The following ARHGAP20 variants were observed in gnomAD, a reference collection of about 807,000 sequenced individuals.
ARHGAP20 encodes rho GTPase-activating protein 20.
ARHGAP20 carries 34 observed loss-of-function variants against 73.7 expected under a neutral mutation model. The ratio of observed to expected loss-of-function variants is 0.46; its 90% CI spans 0.35 to 0.61. The LOEUF is 0.61. Ranked by LOEUF, ARHGAP20 falls within the 20% of genes least tolerant of loss-of-function variation. The pLI, the probability that ARHGAP20 is intolerant of heterozygous loss-of-function variation, is 0.00. For missense variants in ARHGAP20, 1,314 were observed against 1,420.9 expected (o/e 0.92, Z 1.21); for synonymous variants, 523 against 518.2 (o/e 1.01, Z -0.13).
intron 1 of ARHGAP20, among the ~76,000 whole-genome samples, chr11:110,692,090 T>G (rs1296962230): frequency 6.6e-6 from 1 of 152,094 alleles, no homozygotes; most frequent in Non-Finnish European, 1.5e-5. Context: ...ATAACCTAGT[T>G]TATATATTAT....
At position 110,630,697 on chromosome 11, in the gene ARHGAP20, T is replaced by A. The variant is rs779625137; in HGVS notation, c.284A>T (p.Lys95Ile). The A allele has an allele frequency of 1.9e-6, 3 of 1,614,126 alleles. No individual in the cohort carries two copies. Among genetic ancestry groups the A allele is most frequent in the South Asian group, 2.2e-5 (2 of 91,078 alleles). The change falls in exon 3 of 15, where the codon AAA becomes ATA. Residue 95 changes from lysine (K) to isoleucine (I), a missense_variant. By Grantham distance (102) the Lys-to-Ile change is moderately radical (BLOSUM62 -3). Around this residue, in one of 3 missense-constraint regions of ARHGAP20, gnomAD observed 443 missense variants for 466.4 expected, o/e 0.95. Coordinates refer to ENST00000683387, the MANE Select transcript of ARHGAP20 (RefSeq NM_001384657.1). ...TLLIDGRAELKRGLQRQERHL... is the reference protein window; with the variant it reads ...TLLIDGRAELIRGLQRQERHL... ...CCGCTCCTGCCTCTGGAGGCCTCTT[T>A]TGAGTTCTGCCCGGCCATCAATCAG...
chr11:110,602,699 T>C (rs568871688), intron 9 of ARHGAP20, among the ~76,000 whole-genome samples: 1 of 152,258 alleles, frequency 6.6e-6, no homozygotes, highest in South Asian at 2.1e-4. Context: ...GATAATTGAA[T>C]AGTTGAGGGC....
In ARHGAP20 at chr11:110,579,454, C is replaced by T; in HGVS notation, c.3492G>A (p.Trp1164Ter). 1 of 1,614,158 alleles carries T rather than the reference C, an allele frequency of 6.2e-7. No individual in the cohort carries two copies. The highest frequency in any genetic ancestry group is 8.5e-7 in the Non-Finnish European group (1 of 1,180,026). ...CTGGGCTGGTCGCATCCTCTAGAGTCCAAGAGCTGGCTGAGGCTCTTTCCC... is the reference window on the plus strand; with the variant it reads ...CTGGGCTGGTCGCATCCTCTAGAGTTCAAGAGCTGGCTGAGGCTCTTTCCC... ...LPWERASASS[W>*]TLEDATSPDS... is the part of the protein sequence containing the mutation. Residue 1164 changes from tryptophan to a stop codon, truncating the protein, a stop_gained, in exon 15 of 15, where the codon TGG becomes TGA. Transcript: ENST00000683387. LOFTEE classifies it low-confidence loss of function (END_TRUNC).
At chr11:110,583,833 A>C (rs1947541656) in intron 12 of ARHGAP20, 96 bp from the exon 13 acceptor site, 3 of 1,043,890 alleles carry the variant, frequency 2.9e-6, no homozygotes, top group Admixed American at 3.2e-5. Context: ...AGGGAAATCA[A>C]GAACACAGTT....
At position 110,630,634 on chromosome 11, in the gene ARHGAP20, T is replaced by C. The variant is rs1245403094; in HGVS notation, c.347A>G (p.Lys116Arg). The change falls in exon 3 of 15, where the codon AAA becomes AGA. Residue 116 changes from lysine to arginine, a missense_variant. By Grantham distance (26) the Lys-to-Arg change is conservative (BLOSUM62 2). Transcript: ENST00000683387. ...FLFNDLFVVA[K>R]IKYNNNFKIK... ...GAGTATATAGTATACATACTTGATT[T>C]TGGCCACAACAAACAGATCATTGAA... 3 of 1,613,880 alleles carry C rather than the reference T, an allele frequency of 1.9e-6. No individual in the cohort carries two copies. Among genetic ancestry groups the C allele is most frequent in the Non-Finnish European group, 2.5e-6 (3 of 1,179,898 alleles).
chr11:110,699,263 G>C (rs1242104134), intron 1 of ARHGAP20, among the ~76,000 whole-genome samples: 1 of 151,816 alleles, frequency 6.6e-6, no homozygotes, highest in Admixed American at 6.6e-5. Context: ...ACTGTGGTCC[G>C]AGAAGATACT....
In ARHGAP20 at chr11:110,578,526, G is replaced by C. The variant is rs1947345808; in HGVS notation, c.*844C>G. 18 of 985,394 alleles carry C rather than the reference G, an allele frequency of 1.8e-5. No individual in the cohort carries two copies. Among genetic ancestry groups the C allele is most frequent in the Non-Finnish European group, 2.2e-5 (18 of 829,916 alleles). The allele number at this position is 985,394 out of a possible 1,614,324, so 61.0% of individuals were successfully genotyped here. ...GTTGTGGTCTTTTCCTCCATATTGA[G>C]AGTGAACGCTGTCAGGAGGTCACCT... On this transcript the variant is annotated 3_prime_UTR_variant, in exon 15 of 15. Transcript: ENST00000683387.
At chr11:110,654,873 C>T (rs1218319121) in intron 2 of ARHGAP20, among the ~76,000 whole-genome samples, 3 of 152,172 alleles carry the variant, frequency 2.0e-5, no homozygotes, top group Admixed American at 6.5e-5. Flanking sequence ...ATAAATTCCA[C>T]GTGTTTCTTA....
chr11:110,655,984 T>C (rs1246996401), intron 2 of ARHGAP20, among the ~76,000 whole-genome samples: 1 of 152,170 alleles, frequency 6.6e-6, no homozygotes, highest in African/African-American at 2.4e-5. Context: ...CTTTACCTTC[T>C]ACTACCTTAA....
intron 13 of ARHGAP20, 101 bp from the exon 14 acceptor site, chr11:110,582,536 C>A: frequency 5.6e-6 from 4 of 708,818 alleles, no homozygotes; most frequent in Non-Finnish European, 7.1e-6. Flanking sequence ...CCACATCTAC[C>A]CAGAGAAAAA....
At chr11:110,596,939 G>C (rs1233298570) in intron 9 of ARHGAP20, among the ~76,000 whole-genome samples, 4 of 152,038 alleles carry the variant, frequency 2.6e-5, no homozygotes, top group Admixed American at 6.6e-5. Flanking sequence ...GGCACATATA[G>C]ACCATGGAAT....
intron 1 of ARHGAP20, among the ~76,000 whole-genome samples, chr11:110,703,986 A>C: frequency 6.6e-6 from 1 of 152,214 alleles, no homozygotes; most frequent in East Asian, 1.9e-4. Flanking sequence ...CCAAGAGGCT[A>C]ATTGTCAGAC....
chr11:110,711,972 G>A (rs1591202861), intron 1 of ARHGAP20, 155 bp downstream of exon 1: 3 of 1,254,000 alleles, frequency 2.4e-6, no homozygotes, highest in African/African-American at 3.1e-5. Flanking sequence ...TCAAGGGCGG[G>A]AAGTGTTCTG....
chr11:110,645,887 A>G (rs1597349), intron 2 of ARHGAP20, among the ~76,000 whole-genome samples: 39,088 of 151,956 alleles, frequency 0.26, 5,196 homozygotes, highest in African/African-American at 0.33. Flanking sequence ...AATACTCCAC[A>G]TTCTTACTTA....
At position 110,578,629 on chromosome 11, in the gene ARHGAP20, C is replaced by T. The variant is rs1028228549; in HGVS notation, c.*741G>A. ...TTGAAAGGGTACTGAAATGGGCAGC[C>T]ATTTTCTTCTTTCTCCTCACAACTC... is the stretch of plus-strand genomic sequence containing the variant. On this transcript the variant is annotated 3_prime_UTR_variant, in exon 15 of 15. Coordinates refer to ENST00000683387, the MANE Select transcript of ARHGAP20 (RefSeq NM_001384657.1). The T allele has an allele frequency of 3.0e-6, 3 of 985,296 alleles. No individual in the cohort carries two copies. The highest frequency in any genetic ancestry group is 6.1e-5 in the Admixed American group (1 of 16,264). The allele number at this position is 985,296 out of a possible 1,614,324, so 61.0% of individuals were successfully genotyped here.
intron 2 of ARHGAP20, among the ~76,000 whole-genome samples, chr11:110,660,890 C>T (rs1949595268): frequency 6.6e-6 from 1 of 152,100 alleles, no homozygotes; most frequent in African/African-American, 2.4e-5. Flanking sequence ...AGTTCCAACA[C>T]TACTTGCTCT....
intron 4 of ARHGAP20, among the ~76,000 whole-genome samples, chr11:110,622,533 T>C (rs1948652355): frequency 6.6e-6 from 1 of 152,190 alleles, no homozygotes; most frequent in African/African-American, 2.4e-5. Flanking sequence ...TTATTTCAGA[T>C]TTCACCATTT....
intron 2 of ARHGAP20, among the ~76,000 whole-genome samples, chr11:110,689,924 T>C (rs1950210036): frequency 6.6e-6 from 1 of 151,906 alleles, no homozygotes. Flanking sequence ...TTCCTTCCTG[T>C]TCTAAATCTT....
At chr11:110,589,189 T>A (rs1313732359) in intron 11 of ARHGAP20, among the ~76,000 whole-genome samples, 1 of 152,236 alleles carries the variant, frequency 6.6e-6, no homozygotes, top group Non-Finnish European at 1.5e-5. Context: ...CTACATATTT[T>A]TACATATGCA....
Sources: allele counts gnomAD v4.1 joint callset (sites outside exome capture counted in the v4.1 genomes callset), GRCh38; gene constraint gnomAD v4.1.1; regional missense constraint gnomAD v4.1.1; transcripts MANE v1.5; gene names NCBI Gene and HGNC (gene_info 2026-07-23, HGNC 2026-07-21).